AHI1: variants seen among roughly 807,000 people sequenced by gnomAD.
AHI1 encodes the protein Abelson helper integration site 1.
AHI1 carries 123 observed loss-of-function variants against 149.3 expected under a neutral mutation model. The ratio of observed to expected loss-of-function variants is 0.82; its 90% confidence interval spans 0.71 to 0.96. AHI1 has a LOEUF of 0.96. Among genes scored for constraint, AHI1 ranks in the 40% least tolerant of loss-of-function variants. The pLI is 0.00. For missense variants in AHI1, 1,439 were observed against 1,422.7 expected (o/e 1.01, Z -0.18); for synonymous variants, 475 against 459.8 (o/e 1.03, Z -0.42).
At chr6:135,388,029 ACTGT>A in intron 23 of AHI1, 1 of 1,613,804 alleles carries the variant, frequency 6.2e-7, no homozygotes. Flanking sequence ...CAGCAAAGTG[ACTGT>A]CTGGAAAACA....
At chr6:135,327,570 A>G (rs1192871942) in intron 24 of AHI1, among the ~76,000 whole-genome samples, 1 of 152,090 alleles carries the variant, frequency 6.6e-6, no homozygotes, top group Non-Finnish European at 1.5e-5. Flanking sequence ...CCCTTGTTAC[A>G]GTTTTTTGGT....
intron 5 of AHI1, among the ~76,000 whole-genome samples, chr6:135,478,230 GAA>G (rs1472058067): frequency 6.6e-6 from 1 of 152,204 alleles, no homozygotes; most frequent in African/African-American, 2.4e-5. Context: ...GCAAAAGTTG[GAA>G]CAGTTTGAAG....
intron 25 of AHI1, among the ~76,000 whole-genome samples, chr6:135,319,053 A>G (rs1427098018): frequency 6.6e-6 from 1 of 152,256 alleles, no homozygotes; most frequent in Non-Finnish European, 1.5e-5. Flanking sequence ...CATAAAATAA[A>G]TGTGACATTA....
At chr6:135,357,275 A>G (rs1793139556) in intron 24 of AHI1, among the ~76,000 whole-genome samples, 1 of 152,190 alleles carries the variant, frequency 6.6e-6, no homozygotes, top group Non-Finnish European at 1.5e-5. Flanking sequence ...GACTATCCCT[A>G]ATCCAAAAAC....
chr6:135,494,387 G>A (rs1795684577), intron 3 of AHI1, among the ~76,000 whole-genome samples: 1 of 152,170 alleles, frequency 6.6e-6, no homozygotes, highest in South Asian at 2.1e-4. Flanking sequence ...GTTGAGTTGG[G>A]TATCTGAAGG....
At chr6:135,305,210 T>G (rs6928977) in intron 26 of AHI1, 105,388 of 152,028 alleles carry the variant, frequency 0.69, 38,122 homozygotes, top group African/African-American at 0.92. Context: ...ATTCCTTAAG[T>G]CCCCGTCTTC....
In AHI1 at chr6:135,441,550, ATTT is replaced by A. The variant is rs1409036700; in HGVS notation, c.1912+1029_1912+1031del. On this transcript the variant is annotated intron_variant, in intron 14 of 28. Coordinates refer to ENST00000265602, the MANE Select transcript of AHI1 (RefSeq NM_001134831.2). ...AGACAAAGATTCCTCTTCCTCCTCT[ATTT>A]TTGAGATTTAAGCAATATCTCAATC... is the stretch of plus-strand genomic sequence containing the variant. Among the ~76,000 whole-genome samples, 1,458 of 152,306 alleles carry A rather than the reference ATTT, an allele frequency of 9.6e-3. 19 individuals are homozygous for A. Among genetic ancestry groups the A allele is most frequent in the African/African-American group, 0.033 (1,365 of 41,562 alleles).
intron 27 of AHI1, among the ~76,000 whole-genome samples, chr6:135,295,915 C>T (rs544330491): frequency 1.3e-5 from 2 of 152,322 alleles, no homozygotes; most frequent in East Asian, 1.9e-4. Flanking sequence ...TGCAGTGGCA[C>T]GATCTCGGCT....
intron 9 of AHI1, among the ~76,000 whole-genome samples, chr6:135,457,266 A>G (rs1789120377): frequency 6.6e-6 from 1 of 152,190 alleles, no homozygotes; most frequent in Non-Finnish European, 1.5e-5. Flanking sequence ...CTGGGCGACA[A>G]AGCGAGACTC....
chr6:135,431,275 A>G lies in AHI1; in HGVS notation c.2306T>C (p.Val769Ala). The change falls in exon 17 of 29, where the codon GTT (valine) becomes GCT (alanine). Residue 769 changes from valine (V) to alanine (A), a missense_variant. Transcript: ENST00000265602. ...MYSGDCTGVI[V>A]VWNTYVKIND... The stretch of plus-strand genomic sequence containing the variant: ...AATCTTGACATAGGTATTCCAAACA[A>G]CAATCACCCCTGTACAATCTCCTGA... The G allele has an allele frequency of 6.2e-7, 1 of 1,609,322 alleles. No individual in the cohort carries two copies. The highest frequency in any genetic ancestry group is 8.5e-7 in the Non-Finnish European group (1 of 1,177,060).
chr6:135,380,229 C>T (rs928398920), intron 23 of AHI1, among the ~76,000 whole-genome samples: 2 of 151,882 alleles, frequency 1.3e-5, no homozygotes, highest in Non-Finnish European at 2.9e-5. Context: ...TCTGCATCCA[C>T]GCATTCAACC....
intron 23 of AHI1, among the ~76,000 whole-genome samples, chr6:135,366,244 C>CTT (rs139573902): frequency 7.5e-5 from 11 of 147,092 alleles, no homozygotes; most frequent in African/African-American, 2.5e-4. Context: ...CTGCAGTTTT[C>CTT]TTTTTTTTTT....
At chr6:135,430,455 ACT>A (rs905019552) in intron 17 of AHI1, among the ~76,000 whole-genome samples, 1 of 151,876 alleles carries the variant, frequency 6.6e-6, no homozygotes, top group African/African-American at 2.4e-5. Flanking sequence ...GATCTGATAG[ACT>A]CAACAGATTT....
chr6:135,286,618 G>C (rs1483266286), intron 28 of AHI1: 2 of 152,162 alleles, frequency 1.3e-5, no homozygotes, highest in Non-Finnish European at 2.9e-5. Context: ...AGGTGTAGGG[G>C]ACACCTGTGC....
intron 24 of AHI1, among the ~76,000 whole-genome samples, chr6:135,328,676 T>C (rs1788083266): frequency 2.0e-5 from 3 of 152,032 alleles, no homozygotes; most frequent in African/African-American, 7.2e-5. Context: ...TAATGGCCCC[T>C]AAGTGTTCAA....
At chr6:135,323,473 A>C (rs974001431) in intron 24 of AHI1, 149 bp from the exon 25 acceptor site, 2 of 691,104 alleles carry the variant, frequency 2.9e-6, no homozygotes, top group Non-Finnish European at 4.6e-6. Context: ...TAATGGGATG[A>C]GGGGTGGTGG....
At chr6:135,368,387 C>A (rs760741355) in intron 23 of AHI1, among the ~76,000 whole-genome samples, 1 of 152,038 alleles carries the variant, frequency 6.6e-6, no homozygotes, top group Non-Finnish European at 1.5e-5. Context: ...TACAAGCTTG[C>A]CCTAGGGTCA....
At chr6:135,376,643 G>T (rs7753000) in intron 23 of AHI1, among the ~76,000 whole-genome samples, 3,253 of 152,032 alleles carry the variant, frequency 0.021, 134 homozygotes, top group African/African-American at 0.075. Context: ...CAGCACTTTG[G>T]GAGGCCAAGG....
chr6:135,360,984 G>A (rs1793770482), intron 23 of AHI1, among the ~76,000 whole-genome samples: 1 of 152,088 alleles, frequency 6.6e-6, no homozygotes, highest in African/African-American at 2.4e-5. Context: ...CTGAAGTTTA[G>A]CATTTTGCTA....
Sources: gnomAD v4.1 joint callset for allele counts (sites outside exome capture counted in the v4.1 genomes callset) on GRCh38, gnomAD v4.1.1 for gene constraint, MANE v1.5 for transcripts, NCBI Gene and HGNC (gene_info 2026-07-23, HGNC 2026-07-21) for gene names.